PCDH9: variants seen among roughly 807,000 people sequenced by gnomAD.
PCDH9 encodes protocadherin-9.
Under a neutral mutation model 70.6 loss-of-function variants are expected in PCDH9, and 24 were observed. The observed-to-expected ratio is 0.34, with a 90% CI of 0.25 to 0.48. PCDH9 has a LOEUF of 0.48. PCDH9 is among the 20% of genes least tolerant of loss of function. The pLI is 0.99. For synonymous variants in PCDH9, 562 were observed against 558.5 expected, an observed-to-expected ratio of 1.01 and a Z score of -0.09; for missense variants, 1,281 against 1,503.6, an observed-to-expected ratio of 0.85 and a Z score of 2.45.
intron 3 of PCDH9, among the ~76,000 whole-genome samples, chr13:66,832,424 TATA>T (rs1272100927): frequency 2.6e-5 from 4 of 152,078 alleles, no homozygotes; most frequent in Admixed American, 6.5e-5. Context: ...AATGATAAAT[TATA>T]ATAATTATTA....
intron 4 of PCDH9, among the ~76,000 whole-genome samples, chr13:66,332,630 A>G (rs1386214749): frequency 6.6e-6 from 1 of 152,000 alleles, no homozygotes; most frequent in Non-Finnish European, 1.5e-5. Context: ...CATGTGCTCT[A>G]AAAGCACTGA....
intron 3 of PCDH9, among the ~76,000 whole-genome samples, chr13:66,815,059 G>T (rs1024895189): frequency 2.0e-5 from 3 of 151,684 alleles, no homozygotes; most frequent in African/African-American, 7.3e-5. Flanking sequence ...AAACAAATCA[G>T]CAAGTAAAAC....
intron 2 of PCDH9, among the ~76,000 whole-genome samples, chr13:67,146,453 A>G (rs577871490): frequency 6.6e-6 from 1 of 152,330 alleles, no homozygotes; most frequent in Admixed American, 6.5e-5. Flanking sequence ...CTCCTGAAAT[A>G]TAAACCAAAC....
chr13:66,809,754 A>G (rs926109977), intron 3 of PCDH9, among the ~76,000 whole-genome samples: 1 of 148,448 alleles, frequency 6.7e-6, no homozygotes, highest in Non-Finnish European at 1.5e-5. Flanking sequence ...TAGCTTTTGT[A>G]ATTCCAGCAA....
intron 4 of PCDH9, among the ~76,000 whole-genome samples, chr13:66,356,587 A>G (rs1288296486): frequency 1.3e-5 from 2 of 152,046 alleles, no homozygotes; most frequent in Non-Finnish European, 2.9e-5. Flanking sequence ...CTGTCATTAT[A>G]TCAACAACAT....
intron 3 of PCDH9, among the ~76,000 whole-genome samples, chr13:66,645,922 T>G (rs2077765107): frequency 6.6e-6 from 1 of 152,172 alleles, no homozygotes; most frequent in Non-Finnish European, 1.5e-5. Context: ...AGGGAAGTCT[T>G]CCAGTAAGGG....
At chr13:66,632,750 G>A (rs1269731516) in intron 3 of PCDH9, among the ~76,000 whole-genome samples, 1 of 151,940 alleles carries the variant, frequency 6.6e-6, no homozygotes, top group Non-Finnish European at 1.5e-5. Flanking sequence ...GTACATTTGC[G>A]CTATTTGAAT....
chr13:66,604,502 A>C (rs796074354), intron 4 of PCDH9, among the ~76,000 whole-genome samples: 1 of 152,058 alleles, frequency 6.6e-6, no homozygotes, highest in African/African-American at 2.4e-5. Flanking sequence ...TTTCAGGTAC[A>C]TTTTAGATAT....
chr13:67,111,966 T>C (rs1051336530), intron 2 of PCDH9, among the ~76,000 whole-genome samples: 1 of 152,314 alleles, frequency 6.6e-6, no homozygotes, highest in East Asian at 1.9e-4. Flanking sequence ...TATCCAATCA[T>C]TAGTTATGTC....
At chr13:66,506,364 A>C (rs1396189682) in intron 4 of PCDH9, among the ~76,000 whole-genome samples, 1 of 152,186 alleles carries the variant, frequency 6.6e-6, no homozygotes, top group East Asian at 1.9e-4. Flanking sequence ...AAAAGCGGCA[A>C]ACTACTGTTA....
At chr13:66,684,366 G>A (rs2078369905) in intron 3 of PCDH9, among the ~76,000 whole-genome samples, 1 of 152,096 alleles carries the variant, frequency 6.6e-6, no homozygotes, top group African/African-American at 2.4e-5. Context: ...TAAGTTACTT[G>A]GAGAAGTCAT....
chr13:66,680,219 C>A (rs2078299679), intron 3 of PCDH9, among the ~76,000 whole-genome samples: 1 of 151,954 alleles, frequency 6.6e-6, no homozygotes, highest in Non-Finnish European at 1.5e-5. Flanking sequence ...ACTCAGAAAG[C>A]AACTGAAACA....
chr13:66,360,095 G>A (rs1277548796), intron 4 of PCDH9, among the ~76,000 whole-genome samples: 1 of 151,620 alleles, frequency 6.6e-6, no homozygotes, highest in Non-Finnish European at 1.5e-5. Flanking sequence ...TGTGAGGGAG[G>A]ATCACACAGA....
At chr13:66,705,972 A>T (rs2078706030) in intron 3 of PCDH9, among the ~76,000 whole-genome samples, 1 of 152,160 alleles carries the variant, frequency 6.6e-6, no homozygotes, top group Non-Finnish European at 1.5e-5. Flanking sequence ...GTTATTCATC[A>T]GCTATTGATC....
chr13:66,868,591 T>C (rs12876382), intron 3 of PCDH9, among the ~76,000 whole-genome samples: 48,267 of 151,998 alleles, frequency 0.32, 8,810 homozygotes, highest in East Asian at 0.51. Context: ...TTATCTGTCA[T>C]CATGTGAAGA....
chr13:66,547,342 A>T (rs1328964970), intron 4 of PCDH9, among the ~76,000 whole-genome samples: 1 of 152,186 alleles, frequency 6.6e-6, no homozygotes, highest in African/African-American at 2.4e-5. Flanking sequence ...CAGTATCCTT[A>T]ATATTCTGCA....
chr13:66,671,745 T>G (rs1024124239), intron 3 of PCDH9, among the ~76,000 whole-genome samples: 1 of 152,236 alleles, frequency 6.6e-6, no homozygotes, highest in African/African-American at 2.4e-5. Flanking sequence ...AAGATGTGAC[T>G]TGGGTGCTCT....
At chr13:67,119,226 T>C (rs1483064932) in intron 2 of PCDH9, among the ~76,000 whole-genome samples, 1 of 152,154 alleles carries the variant, frequency 6.6e-6, no homozygotes, top group Non-Finnish European at 1.5e-5. Context: ...ATTGTTGTTA[T>C]TGTCAACATT....
intron 4 of PCDH9, among the ~76,000 whole-genome samples, chr13:66,329,229 T>C (rs1002902569): frequency 6.6e-6 from 1 of 152,134 alleles, no homozygotes. Flanking sequence ...TAACTTTGAG[T>C]CAAAGCCCTC....
Sources: allele counts gnomAD v4.1 joint callset (sites outside exome capture counted in the v4.1 genomes callset), GRCh38; gene constraint gnomAD v4.1.1; transcripts MANE v1.5; gene names NCBI Gene and HGNC (gene_info 2026-07-23, HGNC 2026-07-21).